The following DOCK2 variants were observed in gnomAD, a reference collection of about 807,000 sequenced individuals.
The protein encoded by DOCK2 is dedicator of cytokinesis 2, also known as dedicator of cytokinesis protein 2.
In DOCK2, 87 loss-of-function variants were observed where a neutral mutation model predicts 248.9. That is an observed-to-expected ratio of 0.35 (90% CI 0.29 to 0.42). The LOEUF is 0.42. Among genes scored for constraint, DOCK2 ranks in the 10% least tolerant of loss-of-function variants. The probability of loss-of-function intolerance (pLI) is 1.00; values close to 1 mark genes in which losing one functional copy is unlikely to be tolerated. For synonymous variants in DOCK2, 805 were observed against 821.6 expected, an observed-to-expected ratio of 0.98 and a Z score of 0.35; for missense variants, 1,747 against 2,300.2, an observed-to-expected ratio of 0.76 and a Z score of 4.92.
chr5:169,691,811 G>A (rs1478783039), intron 9 of DOCK2, among the ~76,000 whole-genome samples: 1 of 151,612 alleles, frequency 6.6e-6, no homozygotes, highest in Non-Finnish European at 1.5e-5. Flanking sequence ...GCTGACTGTT[G>A]ACTTTCCCTA....
chr5:169,833,408 A>G (rs772293235), intron 26 of DOCK2, among the ~76,000 whole-genome samples: 1 of 152,238 alleles, frequency 6.6e-6, no homozygotes, highest in Non-Finnish European at 1.5e-5. Context: ...ACGGAAAGTT[A>G]GTACATGACA....
At chr5:169,706,612 G>A (rs1299211070) in intron 14 of DOCK2, among the ~76,000 whole-genome samples, 1 of 152,314 alleles carries the variant, frequency 6.6e-6, no homozygotes, top group East Asian at 1.9e-4. Context: ...CATGTTTTTA[G>A]CTCAGTGCCT....
intron 33 of DOCK2, among the ~76,000 whole-genome samples, chr5:170,019,502 C>T (rs971191724): frequency 2.6e-5 from 4 of 152,120 alleles, no homozygotes; most frequent in South Asian, 2.1e-4. Flanking sequence ...ATCTAGAAAA[C>T]GCCGGCCCTG....
chr5:170,002,078 A>G (rs1277641157), intron 30 of DOCK2, among the ~76,000 whole-genome samples: 1 of 152,212 alleles, frequency 6.6e-6, no homozygotes. Flanking sequence ...ACCTGACAGT[A>G]TCTATAAAAA....
chr5:169,895,862 A>G (rs575417133), intron 27 of DOCK2, among the ~76,000 whole-genome samples: 22 of 152,254 alleles, frequency 1.4e-4, no homozygotes, highest in Admixed American at 2.6e-4. Flanking sequence ...CACATAATAG[A>G]TATAGTAAGA....
chr5:169,735,143 A>G (rs1290645824), intron 22 of DOCK2, among the ~76,000 whole-genome samples: 2 of 152,174 alleles, frequency 1.3e-5, no homozygotes, highest in Non-Finnish European at 1.5e-5. Flanking sequence ...TTCAAATCAG[A>G]TCACAGTACT....
At position 170,047,521 on chromosome 5, in the gene DOCK2, A is replaced by C; in HGVS notation, c.3978A>C (p.Ala1326=). 1.2e-6 allele frequency: 2 copies of C among 1,613,642 alleles called. No individual in the cohort carries two copies. The highest frequency in any genetic ancestry group is 1.7e-6 in the Non-Finnish European group (2 of 1,179,780). Residue 1326 remains alanine, a synonymous_variant, in exon 40 of 52, where the codon GCA becomes GCC. Transcript: ENST00000520908. ...ELLSQNLIQQ[A]KFYESIMKIL... is the part of the protein sequence containing the mutation. ...TTTTCTTCCTTTAGATCCAGCAGGC[A>C]AAATTCTATGAAAGCATCATGAAAA... is the stretch of plus-strand genomic sequence containing the variant.
At chr5:169,794,540 A>T (rs907276625) in intron 25 of DOCK2, among the ~76,000 whole-genome samples, 5 of 152,212 alleles carry the variant, frequency 3.3e-5, no homozygotes, top group African/African-American at 1.2e-4. Flanking sequence ...AAGGATATAA[A>T]TATATTGCAT....
At chr5:169,940,568 ACTAGACAGTCCC>A (rs1465219753) in intron 27 of DOCK2, among the ~76,000 whole-genome samples, 1 of 152,226 alleles carries the variant, frequency 6.6e-6, no homozygotes, top group African/African-American at 2.4e-5. Flanking sequence ...TTTTTCTGCA[ACTAGACAGTCCC>A]CTCTGAGGGT....
chr5:169,654,519 C>T, intron 2 of DOCK2, 33 bp downstream of exon 2: 3 of 1,612,228 alleles, frequency 1.9e-6, no homozygotes, highest in Non-Finnish European at 2.5e-6. Context: ...AAGTGCTGGA[C>T]CCTTGGCTGA....
intron 27 of DOCK2, among the ~76,000 whole-genome samples, chr5:169,941,264 AATGG>A (rs1197840682): frequency 1.4e-4 from 21 of 152,228 alleles, no homozygotes; most frequent in African/African-American, 3.9e-4. Context: ...GCTGGAATGC[AATGG>A]ATAATCTCGG....
At chr5:169,728,651 T>G (rs1393037284) in intron 22 of DOCK2, among the ~76,000 whole-genome samples, 1 of 152,216 alleles carries the variant, frequency 6.6e-6, no homozygotes, top group Non-Finnish European at 1.5e-5. Flanking sequence ...TTAGCATCTT[T>G]CCTAATATCT....
At chr5:169,953,347 A>AAG (rs1175831719) in intron 27 of DOCK2, among the ~76,000 whole-genome samples, 24 of 150,960 alleles carry the variant, frequency 1.6e-4, no homozygotes, top group Admixed American at 2.6e-4. Context: ...AAAAAAAAAA[A>AAG]AGAGAGAGAG....
chr5:169,905,964 A>C (rs1399532857), intron 27 of DOCK2, among the ~76,000 whole-genome samples: 2 of 152,204 alleles, frequency 1.3e-5, no homozygotes, highest in African/African-American at 4.8e-5. Context: ...TCGTTCAGAA[A>C]GCCTCTATTC....
chr5:169,660,050 A>G (rs1345459888), intron 2 of DOCK2, among the ~76,000 whole-genome samples: 1 of 152,158 alleles, frequency 6.6e-6, no homozygotes, highest in Non-Finnish European at 1.5e-5. Context: ...TACTGAAATA[A>G]GCCCTCTATG....
At chr5:169,995,524 T>G (rs539588606) in intron 29 of DOCK2, among the ~76,000 whole-genome samples, 1 of 152,338 alleles carries the variant, frequency 6.6e-6, no homozygotes, top group South Asian at 2.1e-4. Context: ...TCTTCAGTGA[T>G]TAAAAAGGAT....
intron 27 of DOCK2, among the ~76,000 whole-genome samples, chr5:169,864,082 G>A (rs747249754): frequency 2.6e-5 from 4 of 152,178 alleles, no homozygotes; most frequent in African/African-American, 4.8e-5. Context: ...GCAGTCGCAC[G>A]CACTCAGGTA....
At chr5:170,005,115 A>G (rs1046524130) in intron 30 of DOCK2, among the ~76,000 whole-genome samples, 2 of 152,130 alleles carry the variant, frequency 1.3e-5, no homozygotes, top group African/African-American at 4.8e-5. Context: ...ACATGGGTGA[A>G]CCTTGAAAGC....
intron 22 of DOCK2, among the ~76,000 whole-genome samples, chr5:169,721,756 A>G (rs1402471676): frequency 6.6e-6 from 1 of 152,220 alleles, no homozygotes; most frequent in East Asian, 1.9e-4. Flanking sequence ...TCAGTATGCA[A>G]CGTATAGTTG....
Sources: gnomAD v4.1 joint callset for allele counts (sites outside exome capture counted in the v4.1 genomes callset) on GRCh38, gnomAD v4.1.1 for gene constraint, MANE v1.5 for transcripts, NCBI Gene and HGNC (gene_info 2026-07-23, HGNC 2026-07-21) for gene names.